Variants in PDZD8 observed in about 807,000 individuals in gnomAD.
The protein encoded by PDZD8 is PDZ domain containing 8.
Under a neutral mutation model 85.8 loss-of-function variants are expected in PDZD8, and 14 were observed. That is an observed-to-expected ratio of 0.16 (90% CI 0.11 to 0.26). The LOEUF (loss-of-function observed/expected upper bound fraction) is 0.26, where lower values mean the gene tolerates loss of function less well. PDZD8 is among the 10% of genes least tolerant of loss of function. PDZD8 has a pLI of 1.00. For missense variants in PDZD8, 1,197 were observed against 1,424.3 expected (o/e 0.84, Z 2.57); for synonymous variants, 592 against 568.6 (o/e 1.04, Z -0.59).
intron 2 of PDZD8, among the ~76,000 whole-genome samples, chr10:117,332,673 A>C (rs537765508): frequency 3.0e-4 from 45 of 151,556 alleles, no homozygotes; most frequent in African/African-American, 1.1e-3. Context: ...CGCCTGGCTA[A>C]GTTTTGTATT....
chr10:117,305,515 CAT>C (rs1564693560), intron 3 of PDZD8, among the ~76,000 whole-genome samples: 27 of 136,038 alleles, frequency 2.0e-4, no homozygotes, highest in African/African-American at 4.7e-4. Context: ...CACACACACA[CAT>C]ATATGGAGAG....
intron 1 of PDZD8, among the ~76,000 whole-genome samples, chr10:117,364,224 CTG>C (rs1845048946): frequency 2.7e-5 from 4 of 150,658 alleles, no homozygotes; most frequent in African/African-American, 9.8e-5. Flanking sequence ...GTGTGTGTGT[CTG>C]TGTGTCTGTC....
intron 1 of PDZD8, among the ~76,000 whole-genome samples, chr10:117,341,891 T>C (rs1462297066): frequency 6.6e-6 from 1 of 152,144 alleles, no homozygotes; most frequent in Non-Finnish European, 1.5e-5. Context: ...ACAGCAGAGA[T>C]ATTCATTAGA....
intron 1 of PDZD8, among the ~76,000 whole-genome samples, chr10:117,358,490 A>G (rs998968475): frequency 6.6e-6 from 1 of 152,020 alleles, no homozygotes; most frequent in Non-Finnish European, 1.5e-5. Flanking sequence ...GGACTATAAA[A>G]TAGTCTTTTT....
rs977077384 is a variant in PDZD8 at position 117,357,842 on chromosome 10, T to TGTGA, written c.872+16510_872+16513dup. On this transcript the variant is annotated intron_variant, in intron 1 of 4. Coordinates refer to ENST00000334464, the MANE Select transcript of PDZD8 (RefSeq NM_173791.5). ...AAAAAGGCCTACACGATCAGGAAAA[T>TGTGA]GTGAACACTATTTGGATACTTAATG... is the stretch of plus-strand genomic sequence containing the variant. 2.6e-5 allele frequency among the ~76,000 whole-genome samples: 3 copies of TGTGA among 117,586 alleles called. No individual in the cohort carries two copies. In the Admixed American group the frequency reaches 2.9e-4, roughly 11 times the overall value. The allele number at this position is 117,586 out of a possible 152,430, so 77.1% of individuals were successfully genotyped here.
At chr10:117,322,415 C>G (rs1224442159) in intron 2 of PDZD8, among the ~76,000 whole-genome samples, 1 of 151,970 alleles carries the variant, frequency 6.6e-6, no homozygotes, top group East Asian at 1.9e-4. Flanking sequence ...TTTCTTTTGC[C>G]CTGAGTTCCC....
chr10:117,309,394 T>TAAA (rs57766522), intron 3 of PDZD8, among the ~76,000 whole-genome samples: 1 of 58,716 alleles, frequency 1.7e-5, no homozygotes, highest in Non-Finnish European at 5.3e-5. Context: ...CAGTAAAAAT[T>TAAA]AAAAAAAAAA....
chr10:117,315,729 T>C lies in PDZD8; in HGVS notation c.1098+3143A>G, dbSNP rs955425875. ...TCTCTCTCTTTCAAACAATGTGTGC[T>C]ACTGTGACATTTATGTGTTCTGTGG... is the stretch of plus-strand genomic sequence containing the variant. On this transcript the variant is annotated intron_variant, in intron 3 of 4. Coordinates refer to ENST00000334464, the MANE Select transcript of PDZD8 (RefSeq NM_173791.5). 2.0e-5 allele frequency among the ~76,000 whole-genome samples: 3 copies of C among 152,128 alleles called. No individual in the cohort carries two copies. In the East Asian group the frequency reaches 5.8e-4, roughly 29 times the overall value.
At position 117,332,568 on chromosome 10, in the gene PDZD8, G is replaced by A. The variant is rs182014675; in HGVS notation, c.995+8412C>T. ...GTTGCCCAGGCTGGAGTGCAATGGC[G>A]CCATCTTGACTCACCGCAACCTCCG... On this transcript the variant is annotated intron_variant, in intron 2 of 4. Transcript: ENST00000334464. Among the ~76,000 whole-genome samples the A allele has an allele frequency of 1.5e-4, 20 of 137,236 alleles. 1 individual carries two copies. Among genetic ancestry groups the A allele is most frequent in the African/African-American group, 4.9e-4 (18 of 36,434 alleles). The allele number at this position is 137,236 out of a possible 152,430, so 90.0% of individuals were successfully genotyped here. A position where few individuals can be genotyped will look rare whatever the true frequency, so the allele number is the denominator to read the frequency against.
chr10:117,306,582 T>C lies in PDZD8; in HGVS notation c.1098+12290A>G, dbSNP rs11197951. Among the ~76,000 whole-genome samples, 607 of 152,240 alleles carry C rather than the reference T, an allele frequency of 4.0e-3. 14 individuals are homozygous for C. The East Asian group carries it at 0.062, about 15-fold the overall frequency. On this transcript the variant is annotated intron_variant, in intron 3 of 4. Transcript: ENST00000334464. ...CACCAGGTCAGGCCTCAACTTCATA[T>C]AGTATCACTCTACTTCTGCAGATGA...
intron 1 of PDZD8, among the ~76,000 whole-genome samples, chr10:117,346,359 C>T (rs942946347): frequency 2.0e-5 from 3 of 151,996 alleles, no homozygotes; most frequent in Non-Finnish European, 4.4e-5. Flanking sequence ...CTAAGATCCC[C>T]CCAACCACCT....
intron 2 of PDZD8, among the ~76,000 whole-genome samples, chr10:117,329,887 A>G (rs1844385581): frequency 6.7e-6 from 1 of 149,598 alleles, no homozygotes; most frequent in Admixed American, 6.7e-5. Context: ...TGGAGGTTGC[A>G]GTGAGGCAAG....
At chr10:117,345,570 G>C (rs1844690871) in intron 1 of PDZD8, among the ~76,000 whole-genome samples, 1 of 152,112 alleles carries the variant, frequency 6.6e-6, no homozygotes, top group South Asian at 2.1e-4. Flanking sequence ...CTCTGGGTAA[G>C]GGGAGACCAG....
intron 1 of PDZD8, among the ~76,000 whole-genome samples, chr10:117,342,937 T>C (rs1844641018): frequency 6.6e-6 from 1 of 152,232 alleles, no homozygotes; most frequent in African/African-American, 2.4e-5. Context: ...TCAAAGCCTG[T>C]CCAAATCCTC....
In PDZD8 at chr10:117,374,106, G is replaced by C. The variant is rs1394127434; in HGVS notation, c.872+250C>G. On this transcript the variant is annotated intron_variant, in intron 1 of 4. Transcript: ENST00000334464. This position sits in a 1 kb window ranked among gnomAD's most constrained non-coding sequence, Gnocchi z 7.8. ...CAATATGCTGCTTATAAAAGGAGAC[G>C]ATTCTGCCCGCGTTGACAGCACCCT... Among the ~76,000 whole-genome samples the C allele has an allele frequency of 2.0e-5, 3 of 152,182 alleles. No individual in the cohort carries two copies. The highest frequency in any genetic ancestry group is 7.2e-5 in the African/African-American group (3 of 41,444).
At chr10:117,368,195 A>C (rs1437124451) in intron 1 of PDZD8, among the ~76,000 whole-genome samples, 1 of 152,236 alleles carries the variant, frequency 6.6e-6, no homozygotes, top group Non-Finnish European at 1.5e-5. Flanking sequence ...AAGATAAATG[A>C]CTATTTTTTA....
chr10:117,307,901 A>G (rs1843970352), intron 3 of PDZD8, among the ~76,000 whole-genome samples: 1 of 152,070 alleles, frequency 6.6e-6, no homozygotes, highest in South Asian at 2.1e-4. Context: ...TAGCTTATTC[A>G]TTTTAAAGTA....
At chr10:117,334,379 C>A (rs992591884) in intron 2 of PDZD8, among the ~76,000 whole-genome samples, 3 of 152,118 alleles carry the variant, frequency 2.0e-5, no homozygotes, top group Admixed American at 1.3e-4. Flanking sequence ...GTTGGTGTCA[C>A]ATGCCTGTGG....
chr10:117,281,581 C>T lies in PDZD8; in HGVS notation c.*1687G>A, dbSNP rs1844577010. On this transcript the variant is annotated 3_prime_UTR_variant, in exon 5 of 5. Transcript: ENST00000334464. ...GTCTTTCTTACTCATATAAATAATG[C>T]CTTTTACTTGTATATCTTTTTACTG... 1 of 151,992 alleles carries T rather than the reference C, an allele frequency of 6.6e-6. No homozygotes were observed. The highest frequency in any genetic ancestry group is 1.5e-5 in the Non-Finnish European group (1 of 68,010). The allele number at this position is 151,992 out of a possible 1,614,324, so 9.4% of individuals were successfully genotyped here. A position where few individuals can be genotyped will look rare whatever the true frequency, so the allele number is the denominator to read the frequency against.
Sources: gnomAD v4.1 joint callset for allele counts (sites outside exome capture counted in the v4.1 genomes callset) on GRCh38, gnomAD v4.1.1 for gene constraint, Gnocchi (gnomAD v3.1) non-coding constraint, MANE v1.5 for transcripts, NCBI Gene and HGNC (gene_info 2026-07-23, HGNC 2026-07-21) for gene names.